The following B4GALT5 variants were observed in gnomAD, a reference collection of about 807,000 sequenced individuals.
B4GALT5 encodes the protein UDP-Gal:beta-GlcNAc beta-1,4-galactosyltransferase 5.
Under a neutral mutation model 45.0 loss-of-function variants are expected in B4GALT5, and 11 were observed. That is an observed-to-expected ratio of 0.24 (90% CI 0.15 to 0.40). The LOEUF is 0.40. Ranked by LOEUF, B4GALT5 falls within the 10% of genes least tolerant of loss-of-function variation. The pLI is 1.00. For missense variants in B4GALT5, 337 were observed against 500.2 expected, an observed-to-expected ratio of 0.67 and a Z score of 3.11; for synonymous variants, 185 against 182.9, an observed-to-expected ratio of 1.01 and a Z score of -0.09.
chr20:49,692,961 AC>A (rs574219187), intron 1 of B4GALT5, among the ~76,000 whole-genome samples: 73 of 152,220 alleles, frequency 4.8e-4, no homozygotes, highest in Admixed American at 1.2e-3. Context: ...CTGTATTTTT[AC>A]TATACCTTTT....
intron 1 of B4GALT5, among the ~76,000 whole-genome samples, chr20:49,692,784 A>G (rs1035176429): frequency 6.6e-6 from 1 of 152,192 alleles, no homozygotes; most frequent in African/African-American, 2.4e-5. Flanking sequence ...TGTACATATA[A>G]TGTAAGTTCA....
intron 3 of B4GALT5, among the ~76,000 whole-genome samples, chr20:49,645,450 A>G (rs1260177636): frequency 6.6e-6 from 1 of 152,202 alleles, no homozygotes; most frequent in Non-Finnish European, 1.5e-5. Context: ...TGCCAGTCAT[A>G]TAAAAGTGTA....
chr20:49,659,413 T>C (rs2085656301), intron 1 of B4GALT5, among the ~76,000 whole-genome samples: 2 of 152,218 alleles, frequency 1.3e-5, no homozygotes, highest in Admixed American at 1.3e-4. Flanking sequence ...TTCTCCAGTT[T>C]CTGTGATGGT....
rs183754228 is a variant in B4GALT5 at position 49,643,663 on chromosome 20, G to A, written c.365-13C>T. 80 of 1,609,536 alleles carry A rather than the reference G, an allele frequency of 5.0e-5. No individual in the cohort carries two copies. Among genetic ancestry groups the A allele is most frequent in the African/African-American group, 3.5e-4 (26 of 74,890 alleles). ...TCTATTGGGCCCTCTGAACAGAGAC[G>A]GGGAAAAGGGATTAAGAGGTCAGAA... On this transcript the variant is annotated splice_polypyrimidine_tract_variant and intron_variant, in intron 3 of 8. Transcript: ENST00000371711.
rs59766440 is a variant in B4GALT5, at chr20:49,686,728, CA to C, written c.115+26847del. On this transcript the variant is annotated intron_variant, in intron 1 of 8. Transcript: ENST00000371711. ...AACATAGCAAGACCTTGTCTCTGCC[CA>C]AAAAAAAAAAAAAAAAAAAAAAAGC... is the stretch of plus-strand genomic sequence containing the variant. Among the ~76,000 whole-genome samples, 98 of 59,430 alleles carry C rather than the reference CA, an allele frequency of 1.6e-3. 1 individual carries two copies. The highest frequency in any genetic ancestry group is 0.037 in the Middle Eastern group (2 of 54). The allele number at this position is 59,430 out of a possible 152,430, so 39.0% of individuals were successfully genotyped here.
At chr20:49,700,739 A>C (rs543448066) in intron 1 of B4GALT5, among the ~76,000 whole-genome samples, 1 of 152,360 alleles carries the variant, frequency 6.6e-6, no homozygotes, top group South Asian at 2.1e-4. Context: ...ATGCTGGACA[A>C]AGGAATGACT....
intron 1 of B4GALT5, among the ~76,000 whole-genome samples, chr20:49,668,623 CG>C: frequency 6.6e-6 from 1 of 152,046 alleles, no homozygotes; most frequent in Non-Finnish European, 1.5e-5. Context: ...CAGGGTATGA[CG>C]GATGTTGCTG....
At chr20:49,712,844 G>A (rs138392715) in intron 1 of B4GALT5, among the ~76,000 whole-genome samples, 3 of 147,554 alleles carry the variant, frequency 2.0e-5, no homozygotes, top group Admixed American at 6.7e-5. Context: ...AGGTGGGGGG[G>A]GGGGAGATGG....
Position 49,687,541 on chromosome 20 carries a change from G to A in B4GALT5, c.115+26035C>T, listed in dbSNP as rs561425449. 1.8e-4 allele frequency among the ~76,000 whole-genome samples: 28 copies of A among 152,226 alleles called. No individual in the cohort carries two copies. The South Asian group carries it at 5.8e-3, about 32-fold the overall frequency. On this transcript the variant is annotated intron_variant, in intron 1 of 8. Coordinates refer to ENST00000371711, the MANE Select transcript of B4GALT5 (RefSeq NM_004776.4). ...CGCGTGTAATCCCAGCTACTCGGGA[G>A]GCTGAGGCAGGAGAATTGCTTGAAC...
chr20:49,710,923 T>C (rs959900690), intron 1 of B4GALT5, among the ~76,000 whole-genome samples: 1 of 151,854 alleles, frequency 6.6e-6, no homozygotes, highest in African/African-American at 2.4e-5. Context: ...TACAAAAAAC[T>C]GTTTTAAAAG....
rs143888820 is a variant in B4GALT5, at chr20:49,661,706, G to C, written c.116-5004C>G. 5.3e-5 allele frequency among the ~76,000 whole-genome samples: 8 copies of C among 152,342 alleles called. No homozygotes were observed. The East Asian group carries it at 1.5e-3, about 29-fold the overall frequency. ...ACTGTGTGCTTTTCAGGCACCGTAC[G>C]AGGGCACTGGAGGCCAAGTATGCAT... On this transcript the variant is annotated intron_variant, in intron 1 of 8. Coordinates refer to ENST00000371711, the MANE Select transcript of B4GALT5 (RefSeq NM_004776.4).
intron 1 of B4GALT5, among the ~76,000 whole-genome samples, chr20:49,687,672 A>T (rs897718764): frequency 2.6e-5 from 4 of 152,032 alleles, no homozygotes; most frequent in Non-Finnish European, 5.9e-5. Flanking sequence ...AAATAAAATA[A>T]ACAGATAATT....
At chr20:49,702,471 C>T (rs1490327359) in intron 1 of B4GALT5, among the ~76,000 whole-genome samples, 1 of 152,178 alleles carries the variant, frequency 6.6e-6, no homozygotes, top group Non-Finnish European at 1.5e-5. Context: ...TCAAAGGACA[C>T]TATCAGAAGT....
chr20:49,682,690 T>G (rs947318103), intron 1 of B4GALT5, among the ~76,000 whole-genome samples: 1 of 152,202 alleles, frequency 6.6e-6, no homozygotes, highest in Non-Finnish European at 1.5e-5. Context: ...TCCAAAGCAC[T>G]AATTACCTAA....
chr20:49,711,106 G>A (rs2085908982), intron 1 of B4GALT5, among the ~76,000 whole-genome samples: 1 of 151,806 alleles, frequency 6.6e-6, no homozygotes, highest in Non-Finnish European at 1.5e-5. Context: ...TAGTAGGAAG[G>A]GCAAACAGCT....
At chr20:49,646,070 GCAC>G (rs2085597910) in intron 3 of B4GALT5, among the ~76,000 whole-genome samples, 1 of 152,010 alleles carries the variant, frequency 6.6e-6, no homozygotes, top group Admixed American at 6.6e-5. Flanking sequence ...TTGACAACAG[GCAC>G]TTGTAGTCCT....
chr20:49,651,207 A>T (rs1344013164), intron 2 of B4GALT5, among the ~76,000 whole-genome samples: 1 of 151,442 alleles, frequency 6.6e-6, no homozygotes, highest in Admixed American at 6.6e-5. Context: ...AATTGCTTGA[A>T]CTCAAAAGGT....
intron 2 of B4GALT5, among the ~76,000 whole-genome samples, chr20:49,651,636 C>A (rs1317442977): frequency 6.6e-6 from 1 of 152,062 alleles, no homozygotes; most frequent in African/African-American, 2.4e-5. Context: ...AAACAACAGA[C>A]TCCTACCTAC....
intron 1 of B4GALT5, among the ~76,000 whole-genome samples, chr20:49,688,860 C>T (rs1239509447): frequency 2.7e-5 from 4 of 150,884 alleles, no homozygotes; most frequent in Non-Finnish European, 5.9e-5. Flanking sequence ...TTGCTTAAGT[C>T]CGGGAGGCAG....
Sources: gnomAD v4.1 joint callset for allele counts (sites outside exome capture counted in the v4.1 genomes callset) on GRCh38, gnomAD v4.1.1 for gene constraint, MANE v1.5 for transcripts, NCBI Gene and HGNC (gene_info 2026-07-23, HGNC 2026-07-21) for gene names.